Variants in NFAM1 observed in about 807,000 individuals in gnomAD.
NFAM1 encodes the protein NFAT activation molecule 1.
NFAM1 carries 17 observed loss-of-function variants against 29.0 expected under a neutral mutation model. The ratio of observed to expected loss-of-function variants is 0.59; its 90% CI spans 0.40 to 0.88. The LOEUF is 0.88. NFAM1 is among the 40% of genes least tolerant of loss of function. The probability of loss-of-function intolerance (pLI) is 0.00; values close to 1 mark genes in which losing one functional copy is unlikely to be tolerated. For synonymous variants in NFAM1, 175 were observed against 147.2 expected (o/e 1.19, Z -1.36); for missense variants, 324 against 344.6 (o/e 0.94, Z 0.47).
At position 42,409,400 on chromosome 22, in the gene NFAM1, G is replaced by A. The variant is rs1930005668; in HGVS notation, c.564+35C>T. ...CGGGCAGCCGGTGGCGTGTCGGGTG[G>A]AGGGGCTGCATGGCTGTGAGCACTG... On this transcript the variant is annotated intron_variant, in intron 3 of 5. Transcript: ENST00000329021. The surrounding 1 kb of genome is among the most constrained non-coding windows in gnomAD (Gnocchi z 4.9). The A allele has an allele frequency of 1.7e-6, 2 of 1,190,426 alleles. No individual in the cohort carries two copies. The highest frequency in any genetic ancestry group is 1.7e-5 in the South Asian group (1 of 58,234). The allele number at this position is 1,190,426 out of a possible 1,614,324, so 73.7% of individuals were successfully genotyped here.
intron 3 of NFAM1, among the ~76,000 whole-genome samples, chr22:42,402,177 G>C (rs375365257): frequency 2.1e-4 from 32 of 152,238 alleles, no homozygotes; most frequent in African/African-American, 7.0e-4. Flanking sequence ...GGCTGGATCC[G>C]GGACAGACTG....
At chr22:42,429,046 C>G (rs1930714652) in intron 1 of NFAM1, among the ~76,000 whole-genome samples, 1 of 152,148 alleles carries the variant, frequency 6.6e-6, no homozygotes. Flanking sequence ...GGCCCAAGTC[C>G]CGGCTCAAGT....
intron 1 of NFAM1, among the ~76,000 whole-genome samples, chr22:42,416,943 G>A (rs73886096): frequency 0.028 from 4,300 of 152,148 alleles, 207 homozygotes; most frequent in African/African-American, 0.1. Flanking sequence ...CAGACGCCGG[G>A]GGCTGAGGAG....
intron 4 of NFAM1, among the ~76,000 whole-genome samples, chr22:42,394,941 G>A (rs1485668246): frequency 1.3e-5 from 2 of 151,648 alleles, no homozygotes; most frequent in Admixed American, 1.3e-4. Context: ...AATATAGTGA[G>A]ACCTTGTCTC....
In NFAM1 at chr22:42,409,519, A is replaced by T. The variant is rs748980332; in HGVS notation, c.480T>A (p.Ser160Arg). The T allele has an allele frequency of 7.6e-5, 118 of 1,556,382 alleles. No homozygotes were observed. The highest frequency in any genetic ancestry group is 9.3e-5 in the Non-Finnish European group (107 of 1,149,574). The change falls in exon 3 of 6, where the codon AGT becomes AGA. Residue 160 changes from serine to arginine, a missense_variant. Physicochemically the swap from Ser to Arg is moderately radical, Grantham distance 110. Transcript: ENST00000329021. This position sits in a 1 kb window ranked among gnomAD's most constrained non-coding sequence, Gnocchi z 4.9. ...AGCCAAAGAGCAGGAGCTTCTGTGGACTCTGCGGGGGCTCTCGGTACCCTG... is the reference window on the plus strand; with the variant it reads ...AGCCAAAGAGCAGGAGCTTCTGTGGTCTCTGCGGGGGCTCTCGGTACCCTG... ...RDAGYREPPQ[S>R]PQKLLLFGFT...
Position 42,385,107 on chromosome 22 carries a change from G to T in NFAM1, c.*54C>A. 1 of 1,376,468 alleles carries T rather than the reference G, an allele frequency of 7.3e-7. No homozygotes were observed. The highest frequency in any genetic ancestry group is 1.2e-5 in the South Asian group (1 of 86,226). 85.3% of individuals were successfully genotyped at this position (1,376,468 alleles called of 1,614,324 possible). ...CTCAGATCAAGTCCTTTGGTGGCAG[G>T]GGCTGCCCCGGTCCTCTGACCCAGG... On this transcript the variant is annotated 3_prime_UTR_variant, in exon 6 of 6. Transcript: ENST00000329021.
chr22:42,420,025 T>C (rs1417633899), intron 1 of NFAM1, among the ~76,000 whole-genome samples: 9 of 100,916 alleles, frequency 8.9e-5, no homozygotes, highest in East Asian at 2.6e-4. Flanking sequence ...TTTTTTTTTT[T>C]TCTGAGGCAG....
upstream of NFAM1, among the ~76,000 whole-genome samples, chr22:42,432,598 A>G (rs1930848374): frequency 6.6e-6 from 1 of 151,988 alleles, no homozygotes; most frequent in Non-Finnish European, 1.5e-5. Context: ...CCCCACTCCA[A>G]CCCCTGGTGG....
chr22:42,418,957 T>A (rs1236390109), intron 1 of NFAM1, among the ~76,000 whole-genome samples: 1 of 152,176 alleles, frequency 6.6e-6, no homozygotes, highest in Non-Finnish European at 1.5e-5. Context: ...CCACCCTTGT[T>A]GGGAAAGAGT....
At chr22:42,399,361 C>T (rs555036834) in intron 3 of NFAM1, among the ~76,000 whole-genome samples, 2 of 150,618 alleles carry the variant, frequency 1.3e-5, no homozygotes, top group East Asian at 2.0e-4. Context: ...GCAGGAGAAT[C>T]GCTTGAACCC....
chr22:42,394,779 G>A (rs935123561), intron 4 of NFAM1, among the ~76,000 whole-genome samples: 14 of 152,276 alleles, frequency 9.2e-5, no homozygotes, highest in Non-Finnish European at 8.8e-5. Flanking sequence ...CACCATCATT[G>A]TATCAGAGGC....
chr22:42,389,237 G>T (rs1929250611), intron 4 of NFAM1, among the ~76,000 whole-genome samples: 1 of 152,176 alleles, frequency 6.6e-6, no homozygotes, highest in Non-Finnish European at 1.5e-5. Flanking sequence ...CAGGGCCAGA[G>T]AAGACTAGCC....
chr22:42,433,137 G>A (rs1930860376), upstream of NFAM1, among the ~76,000 whole-genome samples: 2 of 152,192 alleles, frequency 1.3e-5, no homozygotes, highest in South Asian at 4.1e-4. Flanking sequence ...CCGGGGACAG[G>A]AATTGTTTGC....
chr22:42,382,844 A>T lies in NFAM1; in HGVS notation c.*2317T>A, dbSNP rs1601728163. 6.5e-6 allele frequency: 1 copy of T among 153,618 alleles called. No homozygotes were observed. Among genetic ancestry groups the T allele is most frequent in the Non-Finnish European group, 1.5e-5 (1 of 68,910 alleles). 9.5% of individuals were successfully genotyped at this position (153,618 alleles called of 1,614,324 possible). On this transcript the variant is annotated 3_prime_UTR_variant, in exon 6 of 6. Coordinates refer to ENST00000329021, the MANE Select transcript of NFAM1 (RefSeq NM_145912.8). ...CTGCCTCTCTCCTTGCTCACTGAAG[A>T]CCTCAGCACCCACTGCCTCCCAGCC...
rs1472615803 is a variant in NFAM1 at position 42,397,855 on chromosome 22, C to A, written c.663+3G>T. 6.3e-7 allele frequency: 1 copy of A among 1,599,014 alleles called. No individual in the cohort carries two copies. The highest frequency in any genetic ancestry group is 8.6e-7 in the Non-Finnish European group (1 of 1,166,544). The stretch of plus-strand genomic sequence containing the variant: ...GGAGGGAGCCGGGGGCCCCGGGACT[C>A]ACTGTGTAGACAGATTCTGAAGGAT... On this transcript the variant is annotated splice_donor_region_variant and intron_variant, in intron 4 of 5. Transcript: ENST00000329021.
intron 1 of NFAM1, among the ~76,000 whole-genome samples, chr22:42,416,583 A>G (rs1276280909): frequency 6.6e-6 from 1 of 152,170 alleles, no homozygotes; most frequent in Non-Finnish European, 1.5e-5. Context: ...CCAGGATCAC[A>G]TGGAGACCAC....
At chr22:42,416,142 G>A (rs1367775866) in intron 1 of NFAM1, among the ~76,000 whole-genome samples, 2 of 152,188 alleles carry the variant, frequency 1.3e-5, no homozygotes, top group African/African-American at 2.4e-5. Context: ...TAAACACCAC[G>A]ACGATCCTAG....
chr22:42,413,419 G>A (rs889783118), intron 1 of NFAM1, among the ~76,000 whole-genome samples: 3 of 152,146 alleles, frequency 2.0e-5, no homozygotes, highest in Non-Finnish European at 4.4e-5. Context: ...GGCCCTGTGC[G>A]TCAGTTAATC....
chr22:42,423,443 T>C (rs1930514480), intron 1 of NFAM1, among the ~76,000 whole-genome samples: 1 of 152,148 alleles, frequency 6.6e-6, no homozygotes, highest in Non-Finnish European at 1.5e-5. Flanking sequence ...ACATGTTCAC[T>C]GTAGAAATTC....
Sources: allele counts gnomAD v4.1 joint callset (sites outside exome capture counted in the v4.1 genomes callset), GRCh38; gene constraint gnomAD v4.1.1; non-coding constraint Gnocchi (gnomAD v3.1); transcripts MANE v1.5; gene names NCBI Gene and HGNC (gene_info 2026-07-23, HGNC 2026-07-21).